FREM3: variants seen among roughly 807,000 people sequenced by gnomAD.
The protein encoded by FREM3 is FRAS1 related extracellular matrix 3, also known as FRAS1-related extracellular matrix protein 3.
In FREM3, 105 loss-of-function variants were observed where a neutral mutation model predicts 129.1. The observed-to-expected ratio is 0.81, with a 90% CI of 0.69 to 0.96. The LOEUF is 0.96. FREM3 is among the 40% of genes least tolerant of loss of function. The probability of loss-of-function intolerance (pLI) is 0.00; values close to 1 mark genes in which losing one functional copy is unlikely to be tolerated. For missense variants in FREM3, 2,593 were observed against 2,666.3 expected (o/e 0.97, Z 0.61); for synonymous variants, 1,014 against 1,044.9 (o/e 0.97, Z 0.57).
intron 6 of FREM3, among the ~76,000 whole-genome samples, chr4:143,600,686 T>G (rs1018920045): frequency 3.9e-5 from 6 of 152,192 alleles, no homozygotes; most frequent in African/African-American, 1.4e-4. Flanking sequence ...TAAAAAGATC[T>G]TATAATGGCT....
chr4:143,621,271 A>T (rs1182922456), intron 4 of FREM3, 109 bp from the exon 5 acceptor site: 1 of 980,766 alleles, frequency 1.0e-6, no homozygotes, highest in African/African-American at 1.6e-5. Flanking sequence ...ATTTTCCAAC[A>T]TGATTAACTG....
intron 2 of FREM3, among the ~76,000 whole-genome samples, chr4:143,681,852 T>C (rs1279594239): frequency 6.6e-6 from 1 of 152,164 alleles, no homozygotes; most frequent in Non-Finnish European, 1.5e-5. Context: ...GCAAAATTGA[T>C]AGAGACAACA....
chr4:143,699,574 C>A lies in FREM3; in HGVS notation c.1102G>T (p.Asp368Tyr), dbSNP rs2149865845. 6.5e-7 allele frequency: 1 copy of A among 1,535,624 alleles called. No homozygotes were observed. Among genetic ancestry groups the A allele is most frequent in the East Asian group, 2.4e-5 (1 of 40,882 alleles). The change falls in exon 1 of 8, where the codon GAC becomes TAC. Residue 368 changes from aspartate to tyrosine, a missense_variant. Physicochemically the swap from Asp to Tyr is radical, Grantham distance 160. This residue lies in a region of FREM3 where 2,276 missense variants were observed against 2,267.2 expected (regional missense o/e 1.00). Coordinates refer to ENST00000329798, the MANE Select transcript of FREM3 (RefSeq NM_001168235.2). This position sits in a 1 kb window ranked among gnomAD's most constrained non-coding sequence, Gnocchi z 4.2. ...AAGGAGACTGGAAGCCCTAGAGGGT[C>A]GTCGGTGCTGACCACGTAGCCCTGT... ...GQQGYVVSTD[D>Y]PLGLPVSFFT...
At position 143,696,290 on chromosome 4, in the gene FREM3, A is replaced by G; in HGVS notation, c.4386T>C (p.Phe1462=). 1 of 1,537,618 alleles carries G rather than the reference A, an allele frequency of 6.5e-7. No homozygotes were observed. The highest frequency in any genetic ancestry group is 8.7e-7 in the Non-Finnish European group (1 of 1,146,998). The change falls in exon 1 of 8, where the codon TTT becomes TTC. Residue 1462 remains phenylalanine, a synonymous_variant. Coordinates refer to ENST00000329798, the MANE Select transcript of FREM3 (RefSeq NM_001168235.2). The stretch of plus-strand genomic sequence containing the variant: ...CCAGGCTTGGAGCCCGTGTAATGCT[A>G]AAGTGATGTTCATCAGAGCTGTTGA... The part of the protein sequence containing the change: ...SDINSSDEHH[F]SITRAPSLGH...
intron 2 of FREM3, among the ~76,000 whole-genome samples, chr4:143,658,692 T>G (rs1739643369): frequency 2.0e-5 from 3 of 152,230 alleles, no homozygotes; most frequent in Admixed American, 2.0e-4. Context: ...GTAAACTTTC[T>G]TAAAACATTA....
intron 6 of FREM3, among the ~76,000 whole-genome samples, chr4:143,590,198 C>G (rs1209966568): frequency 6.6e-6 from 1 of 152,142 alleles, no homozygotes; most frequent in African/African-American, 2.4e-5. Context: ...GACAATTTGA[C>G]TTCCTCTTTT....
At chr4:143,625,726 G>A (rs979048210) in intron 3 of FREM3, among the ~76,000 whole-genome samples, 1 of 152,314 alleles carries the variant, frequency 6.6e-6, no homozygotes, top group African/African-American at 2.4e-5. Context: ...GAGGTGCTGA[G>A]GATGTCACAC....
chr4:143,650,974 C>G lies in FREM3; in HGVS notation c.5276-23214G>C, dbSNP rs1170447332. Among the ~76,000 whole-genome samples the G allele has an allele frequency of 9.2e-5, 14 of 152,314 alleles. No homozygotes were observed. In the East Asian group the frequency reaches 2.5e-3, roughly 27 times the overall value. ...TTCAATGATGGGATTATCTTCCTGG[C>G]AAGTAAACAAACTCAGTGCTCATTT... On this transcript the variant is annotated intron_variant, in intron 2 of 7. Coordinates refer to ENST00000329798, the MANE Select transcript of FREM3 (RefSeq NM_001168235.2).
intron 7 of FREM3, among the ~76,000 whole-genome samples, chr4:143,578,816 G>T (rs941038227): frequency 9.9e-5 from 15 of 152,174 alleles, no homozygotes; most frequent in Non-Finnish European, 2.1e-4. Flanking sequence ...ACTGTTGTAG[G>T]TTGAAGAAAA....
In FREM3 at chr4:143,623,633, G is replaced by A. The variant is rs200671041; in HGVS notation, c.5653+475C>T. Among the ~76,000 whole-genome samples the A allele has an allele frequency of 1.2e-4, 18 of 151,120 alleles. No individual in the cohort carries two copies. In the East Asian group the frequency reaches 1.6e-3, roughly 13 times the overall value. On this transcript the variant is annotated intron_variant, in intron 4 of 7. Transcript: ENST00000329798. Reference sequence around the variant, plus strand: ...TGCTGAAAGAATGAATACAAAAAACGAACCAATGAATTCAAGGATATTATG... The same window carrying A: ...TGCTGAAAGAATGAATACAAAAAACAAACCAATGAATTCAAGGATATTATG...
At chr4:143,657,761 A>G (rs1016176836) in intron 2 of FREM3, among the ~76,000 whole-genome samples, 4 of 152,108 alleles carry the variant, frequency 2.6e-5, no homozygotes, top group African/African-American at 4.8e-5. Flanking sequence ...TTTTAGGTTA[A>G]AAAAGGTTAT....
chr4:143,678,379 C>T (rs896978063), intron 2 of FREM3, among the ~76,000 whole-genome samples: 16 of 151,308 alleles, frequency 1.1e-4, no homozygotes, highest in African/African-American at 2.9e-4. Context: ...CATCACACAC[C>T]GGGGCCTGTT....
chr4:143,623,301 G>A (rs546205000), intron 4 of FREM3, among the ~76,000 whole-genome samples: 35 of 152,232 alleles, frequency 2.3e-4, no homozygotes, highest in Middle Eastern at 3.4e-3. Flanking sequence ...TCCATCCCCT[G>A]TAGATGTCTA....
At chr4:143,673,896 G>A (rs1019206402) in intron 2 of FREM3, among the ~76,000 whole-genome samples, 4 of 152,380 alleles carry the variant, frequency 2.6e-5, no homozygotes, top group East Asian at 1.9e-4. Flanking sequence ...CGAGCCATGC[G>A]CGGGATATAA....
At chr4:143,658,594 G>A (rs1025766361) in intron 2 of FREM3, among the ~76,000 whole-genome samples, 2 of 152,162 alleles carry the variant, frequency 1.3e-5, no homozygotes, top group South Asian at 2.1e-4. Context: ...GAAGTCTATC[G>A]ACATCAGTTA....
chr4:143,698,496 A>G lies in FREM3; in HGVS notation c.2180T>C (p.Phe727Ser). ...EYQLTHFQKN[F>S]LRYIDQDSDD... ...AGAGTCCTGGTCAATGTATCGGAGGAAATTCTTCTGGAAGTGAGTGAGTTG... is the reference window on the plus strand; with the variant it reads ...AGAGTCCTGGTCAATGTATCGGAGGGAATTCTTCTGGAAGTGAGTGAGTTG... The change falls in exon 1 of 8, where the codon TTC becomes TCC. Residue 727 changes from phenylalanine (F) to serine (S), a missense_variant. Coordinates refer to ENST00000329798, the MANE Select transcript of FREM3 (RefSeq NM_001168235.2). 1 of 1,537,704 alleles carries G rather than the reference A, an allele frequency of 6.5e-7. No homozygotes were observed. Among genetic ancestry groups the G allele is most frequent in the Non-Finnish European group, 8.7e-7 (1 of 1,147,010 alleles).
chr4:143,632,223 T>C (rs1263529539), intron 2 of FREM3, among the ~76,000 whole-genome samples: 2 of 152,142 alleles, frequency 1.3e-5, no homozygotes, highest in African/African-American at 4.8e-5. Flanking sequence ...TCCTTGTTCT[T>C]GTGTAGCTTA....
At chr4:143,693,955 A>C (rs60411097) in intron 1 of FREM3, among the ~76,000 whole-genome samples, 165 of 152,220 alleles carry the variant, frequency 1.1e-3, no homozygotes, top group African/African-American at 3.9e-3. Flanking sequence ...ATAAGAACTC[A>C]TGAATACAAT....
At chr4:143,662,715 T>A (rs1431837927) in intron 2 of FREM3, among the ~76,000 whole-genome samples, 2 of 151,910 alleles carry the variant, frequency 1.3e-5, no homozygotes, top group Non-Finnish European at 2.9e-5. Context: ...TGTGTGGGAG[T>A]CTAAGTCTCT....
Sources: gnomAD v4.1 joint callset for allele counts (sites outside exome capture counted in the v4.1 genomes callset) on GRCh38, gnomAD v4.1.1 for gene constraint, gnomAD v4.1.1 regional missense constraint, Gnocchi (gnomAD v3.1) non-coding constraint, MANE v1.5 for transcripts, NCBI Gene and HGNC (gene_info 2026-07-23, HGNC 2026-07-21) for gene names.